CFAP54: variants seen among roughly 807,000 people sequenced by gnomAD.
CFAP54 encodes the protein cilia and flagella associated protein 54.
A neutral mutation model predicts 370.4 loss-of-function variants in CFAP54; 290 were observed. The observed-to-expected ratio is 0.78, with a 90% CI of 0.71 to 0.86. CFAP54 has a LOEUF of 0.86. CFAP54 is among the 40% of genes least tolerant of loss of function. The pLI, the probability that CFAP54 is intolerant of heterozygous loss-of-function variation, is 0.00. For synonymous variants in CFAP54, 1,206 were observed against 1,236.5 expected (o/e 0.98, Z 0.52); for missense variants, 3,399 against 3,528.7 (o/e 0.96, Z 0.93).
At chr12:96,823,374 C>T (rs1206751810) in intron 65 of CFAP54, among the ~76,000 whole-genome samples, 2 of 152,136 alleles carry the variant, frequency 1.3e-5, no homozygotes, top group Non-Finnish European at 2.9e-5. Flanking sequence ...ATATCTAGCC[C>T]AGTAACTGAA....
chr12:96,511,056 G>A (rs1206310853), intron 4 of CFAP54, among the ~76,000 whole-genome samples: 2 of 151,906 alleles, frequency 1.3e-5, no homozygotes, highest in Non-Finnish European at 2.9e-5. Flanking sequence ...GCTGTTATTA[G>A]TCGAGTGGTT....
At chr12:96,497,315 C>A (rs1954965648) in intron 1 of CFAP54, among the ~76,000 whole-genome samples, 1 of 151,984 alleles carries the variant, frequency 6.6e-6, no homozygotes, top group South Asian at 2.1e-4. Flanking sequence ...GCAAGAGACC[C>A]AAAATAGCTA....
chr12:96,538,992 A>C (rs1030702287), intron 13 of CFAP54, among the ~76,000 whole-genome samples: 8 of 150,864 alleles, frequency 5.3e-5, no homozygotes, highest in African/African-American at 1.7e-4. Flanking sequence ...AGGTTCAAGC[A>C]ATCTGCTCAT....
chr12:96,854,603 A>G (rs1467972115), intron 66 of CFAP54, among the ~76,000 whole-genome samples: 1 of 152,202 alleles, frequency 6.6e-6, no homozygotes, highest in Non-Finnish European at 1.5e-5. Flanking sequence ...AAAACTCTAT[A>G]GGGAATGATT....
At chr12:96,807,753 G>C (rs570205534) in intron 63 of CFAP54, among the ~76,000 whole-genome samples, 59 of 152,268 alleles carry the variant, frequency 3.9e-4, no homozygotes, top group African/African-American at 1.4e-3. Context: ...GTCATCTTGG[G>C]ATTAGCAGTA....
At chr12:96,846,847 T>A (rs1206430237) in intron 66 of CFAP54, among the ~76,000 whole-genome samples, 1 of 152,150 alleles carries the variant, frequency 6.6e-6, no homozygotes, top group Non-Finnish European at 1.5e-5. Flanking sequence ...ATACCAGGTA[T>A]GACAGTTGTG....
Position 96,797,418 on chromosome 12 carries a change from G to A in CFAP54, c.8850+4919G>A, listed in dbSNP as rs927722425. On this transcript the variant is annotated intron_variant, in intron 63 of 67. Transcript: ENST00000524981. Reference sequence around the variant, plus strand: ...TTTTTTAAAAAATTAATTACTAAGAGAAGTATGTTTAAATCTTTCACTATG... The same window carrying A: ...TTTTTTAAAAAATTAATTACTAAGAAAAGTATGTTTAAATCTTTCACTATG... Among the ~76,000 whole-genome samples the A allele has an allele frequency of 5.3e-5, 8 of 152,054 alleles. 1 individual carries two copies. The East Asian group carries it at 5.8e-4, about 11-fold the overall frequency.
chr12:96,757,522 G>A lies in CFAP54; in HGVS notation c.7974G>A (p.Met2658Ile). 1 of 1,596,556 alleles carries A rather than the reference G, an allele frequency of 6.3e-7. No homozygotes were observed. Among genetic ancestry groups the A allele is most frequent in the African/African-American group, 1.3e-5 (1 of 74,772 alleles). ...TGATAAGAGACTCCTACCTAGAAAT[G>A]GCTCTATTGTATTTTCATCTGAAGA... ...SGLIRDSYLE[M>I]ALLYFHLKKP... Residue 2658 changes from methionine to isoleucine, a missense_variant, in exon 58 of 68, where the codon ATG (methionine) becomes ATA (isoleucine). Met to Ile is a conservative substitution (Grantham distance 10). Transcript: ENST00000524981.
At chr12:96,617,772 C>T (rs1236476739) in intron 26 of CFAP54, among the ~76,000 whole-genome samples, 1 of 151,990 alleles carries the variant, frequency 6.6e-6, no homozygotes, top group Non-Finnish European at 1.5e-5. Flanking sequence ...GGGCTGATCA[C>T]GAGGTCAGGA....
chr12:96,832,485 CA>C (rs1959174349), intron 66 of CFAP54, among the ~76,000 whole-genome samples: 1 of 151,924 alleles, frequency 6.6e-6, no homozygotes, highest in African/African-American at 2.4e-5. Flanking sequence ...CAACCTCTCA[CA>C]GTTGTTGTGA....
chr12:96,650,824 G>A (rs1330504499), intron 35 of CFAP54, among the ~76,000 whole-genome samples: 2 of 152,038 alleles, frequency 1.3e-5, no homozygotes, highest in African/African-American at 4.8e-5. Context: ...CATAAGCATC[G>A]AATCCTATCC....
chr12:96,722,320 G>A (rs1957766211), intron 50 of CFAP54, among the ~76,000 whole-genome samples: 1 of 152,172 alleles, frequency 6.6e-6, no homozygotes, highest in Non-Finnish European at 1.5e-5. Flanking sequence ...CATTTTGGGT[G>A]GTCAGGGCAG....
chr12:96,861,778 G>T (rs1959884649), intron 67 of CFAP54, among the ~76,000 whole-genome samples: 1 of 152,180 alleles, frequency 6.6e-6, no homozygotes, highest in Admixed American at 6.5e-5. Flanking sequence ...TTAGCACAAT[G>T]CCTGATGTAA....
intron 39 of CFAP54, among the ~76,000 whole-genome samples, chr12:96,670,103 G>A (rs1348086658): frequency 2.6e-5 from 4 of 152,188 alleles, no homozygotes; most frequent in African/African-American, 9.7e-5. Flanking sequence ...GCAAGCTTCC[G>A]TGGGTTGTTT....
chr12:96,753,521 T>A (rs1394954522), intron 55 of CFAP54, among the ~76,000 whole-genome samples: 1 of 151,470 alleles, frequency 6.6e-6, no homozygotes, highest in African/African-American at 2.4e-5. Context: ...GAAAACATGT[T>A]AGAAATGTAT....
rs779392441 is a variant in CFAP54 at position 96,708,595 on chromosome 12, T to C, written c.6529-13T>C. The C allele has an allele frequency of 5.1e-6, 8 of 1,579,502 alleles. No individual in the cohort carries two copies. In the African/African-American group the frequency reaches 9.6e-5, roughly 19 times the overall value. ...TTTCTAATTTGCTCTTTTTCCTTTTTTCCATTTTTTAGGCAATTGATGAAT... is the reference window on the plus strand; with the variant it reads ...TTTCTAATTTGCTCTTTTTCCTTTTCTCCATTTTTTAGGCAATTGATGAAT... On this transcript the variant is annotated splice_polypyrimidine_tract_variant and intron_variant, in intron 47 of 67. Transcript: ENST00000524981.
At chr12:96,503,354 C>T (rs965113037) in intron 2 of CFAP54, among the ~76,000 whole-genome samples, 1 of 140,646 alleles carries the variant, frequency 7.1e-6, no homozygotes, top group Non-Finnish European at 1.6e-5. Flanking sequence ...TTCCTGCCTT[C>T]CTCCCTCCCT....
intron 66 of CFAP54, among the ~76,000 whole-genome samples, chr12:96,837,506 A>T (rs371977495): frequency 2.0e-5 from 3 of 152,192 alleles, no homozygotes; most frequent in African/African-American, 4.8e-5. Context: ...TGTTATTATG[A>T]TGTGCTTGCA....
intron 66 of CFAP54, among the ~76,000 whole-genome samples, chr12:96,839,703 GTT>G (rs1274305923): frequency 6.6e-6 from 1 of 152,240 alleles, no homozygotes; most frequent in Non-Finnish European, 1.5e-5. Context: ...ACATGAGGTG[GTT>G]TGGCTGAGAA....
Sources: gnomAD v4.1 joint callset for allele counts (sites outside exome capture counted in the v4.1 genomes callset) on GRCh38, gnomAD v4.1.1 for gene constraint, MANE v1.5 for transcripts, NCBI Gene and HGNC (gene_info 2026-07-23, HGNC 2026-07-21) for gene names.